PRTFDC1: variants seen among roughly 807,000 people sequenced by gnomAD.
PRTFDC1 encodes the protein phosphoribosyl transferase domain containing 1.
In PRTFDC1, 38 loss-of-function variants were observed where a neutral mutation model predicts 34.6. The ratio of observed to expected loss-of-function variants is 1.10; its 90% CI spans 0.85 to 1.44. The LOEUF is 1.44. Among genes scored for constraint, PRTFDC1 ranks in the 40% most tolerant of loss-of-function variants. The pLI, the probability that PRTFDC1 is intolerant of heterozygous loss-of-function variation, is 0.00. For missense variants in PRTFDC1, 270 were observed against 283.0 expected (o/e 0.95, Z 0.33); for synonymous variants, 93 against 98.1 (o/e 0.95, Z 0.31).
At chr10:24,889,614 T>A (rs1387159766) in intron 3 of PRTFDC1, among the ~76,000 whole-genome samples, 2 of 152,204 alleles carry the variant, frequency 1.3e-5, no homozygotes, top group African/African-American at 4.8e-5. Context: ...AAATATCAAG[T>A]GTTTTATGCA....
At chr10:24,942,465 A>G in intron 1 of PRTFDC1, 29 bp from the exon 2 acceptor site, 1 of 1,547,142 alleles carries the variant, frequency 6.5e-7, no homozygotes, top group Non-Finnish European at 8.9e-7. Flanking sequence ...TGGTTATGGT[A>G]TTTTTTCATC....
intron 2 of PRTFDC1, among the ~76,000 whole-genome samples, chr10:24,939,624 C>G (rs768008476): frequency 2.0e-5 from 3 of 151,622 alleles, no homozygotes; most frequent in Non-Finnish European, 4.4e-5. Context: ...GAAACCCCAT[C>G]TCTACTAAAA....
intron 3 of PRTFDC1, among the ~76,000 whole-genome samples, chr10:24,919,680 G>C (rs1318588837): frequency 5.3e-5 from 8 of 152,166 alleles, no homozygotes; most frequent in Admixed American, 5.2e-4. Flanking sequence ...AGAAACTATT[G>C]TCAGAGTGAA....
chr10:24,852,037 C>G (rs1390000058), intron 7 of PRTFDC1, among the ~76,000 whole-genome samples: 1 of 151,946 alleles, frequency 6.6e-6, no homozygotes, highest in East Asian at 1.9e-4. Flanking sequence ...TGCATTAATG[C>G]TGGTCTTTGG....
Position 24,887,472 on chromosome 10 carries a change from C to T in PRTFDC1, c.340-15409G>A, listed in dbSNP as rs574860176. 2.2e-5 allele frequency among the ~76,000 whole-genome samples: 3 copies of T among 137,960 alleles called. No homozygotes were observed. The East Asian group carries it at 6.3e-4, about 29-fold the overall frequency. 90.5% of individuals were successfully genotyped at this position (137,960 alleles called of 152,430 possible). A position where few individuals can be genotyped will look rare whatever the true frequency, so the allele number is the denominator to read the frequency against. On this transcript the variant is annotated intron_variant, in intron 3 of 8. Transcript: ENST00000320152. ...ATGGTTTTATAAGGGCTTCCCCCCT[C>T]TCCCTTCGCTCTGCACTTCTCCTTG...
In PRTFDC1 at chr10:24,849,760, G is replaced by A. The variant is rs1337681496; in HGVS notation, c.*84C>T. On this transcript the variant is annotated 3_prime_UTR_variant, in exon 9 of 9. Coordinates refer to ENST00000320152, the MANE Select transcript of PRTFDC1 (RefSeq NM_020200.7). ...ATATCCTGCTGAGTGAAGATGCCTGGGGGGACAAACTTGACAGCTGGCTTC... is the reference window on the plus strand; with the variant it reads ...ATATCCTGCTGAGTGAAGATGCCTGAGGGGACAAACTTGACAGCTGGCTTC... 3.7e-6 allele frequency: 5 copies of A among 1,342,972 alleles called. No individual in the cohort carries two copies. The highest frequency in any genetic ancestry group is 4.6e-5 in the East Asian group (2 of 43,354). The allele number at this position is 1,342,972 out of a possible 1,614,324, so 83.2% of individuals were successfully genotyped here.
At chr10:24,865,593 C>G (rs1385846573) in intron 4 of PRTFDC1, among the ~76,000 whole-genome samples, 3 of 151,952 alleles carry the variant, frequency 2.0e-5, no homozygotes, top group Non-Finnish European at 4.4e-5. Context: ...TTGCATGATT[C>G]TGATCAAAAC....
At chr10:24,923,303 C>A (rs1848819022) in intron 3 of PRTFDC1, among the ~76,000 whole-genome samples, 1 of 152,186 alleles carries the variant, frequency 6.6e-6, no homozygotes, top group African/African-American at 2.4e-5. Context: ...AGTGGTTCTC[C>A]CAGCACAGCA....
intron 3 of PRTFDC1, among the ~76,000 whole-genome samples, chr10:24,919,179 A>C (rs889903913): frequency 6.6e-6 from 1 of 152,228 alleles, no homozygotes; most frequent in Admixed American, 6.5e-5. Flanking sequence ...TGGTACTAAT[A>C]AACTAGAAAG....
intron 3 of PRTFDC1, among the ~76,000 whole-genome samples, chr10:24,914,781 A>G (rs540016889): frequency 1.1e-3 from 175 of 152,316 alleles, no homozygotes; most frequent in Non-Finnish European, 2.1e-3. Context: ...GACTAGGTTC[A>G]TGTCAACAAA....
chr10:24,947,748 C>G (rs1023355027), intron 1 of PRTFDC1, among the ~76,000 whole-genome samples: 8 of 152,068 alleles, frequency 5.3e-5, no homozygotes, highest in African/African-American at 1.7e-4. Flanking sequence ...GCCCTGTTCT[C>G]TCCTTCAGGC....
Position 24,851,464 on chromosome 10 carries a change from T to C in PRTFDC1, c.554A>G (p.Tyr185Cys), listed in dbSNP as rs752092827. ...TSRSDGFRPD[Y>C]AGFEIPNLFV... ...TAAGTTTGGAATCTCAAATCCAGCA[T>C]CTTAGCAGACAGAGAAAGAGAAAAA... The change falls in exon 8 of 9, where the codon TAT (tyrosine) becomes TGT (cysteine). Residue 185 changes from tyrosine (Y) to cysteine (C), a missense_variant and splice_region_variant. Tyr to Cys is a radical substitution (Grantham distance 194, BLOSUM62 -2). Coordinates refer to ENST00000320152, the MANE Select transcript of PRTFDC1 (RefSeq NM_020200.7). 1.2e-6 allele frequency: 2 copies of C among 1,607,686 alleles called. No homozygotes were observed. The highest frequency in any genetic ancestry group is 1.7e-5 in the Admixed American group (1 of 59,186).
In PRTFDC1 at chr10:24,918,300, T is replaced by C. The variant is rs1326716185; in HGVS notation, c.339+18884A>G. 3.3e-5 allele frequency among the ~76,000 whole-genome samples: 5 copies of C among 152,114 alleles called. No individual in the cohort carries two copies. The East Asian group carries it at 9.6e-4, about 29-fold the overall frequency. Reference sequence around the variant, plus strand: ...ACCTGCTGTCTTCTCTCTTGTCCAGTTTGTCATATGAGGTCACTTTTAACT... The same window carrying C: ...ACCTGCTGTCTTCTCTCTTGTCCAGCTTGTCATATGAGGTCACTTTTAACT... On this transcript the variant is annotated intron_variant, in intron 3 of 8. Coordinates refer to ENST00000320152, the MANE Select transcript of PRTFDC1 (RefSeq NM_020200.7).
At chr10:24,930,593 C>T (rs756941687) in intron 3 of PRTFDC1, among the ~76,000 whole-genome samples, 11 of 152,098 alleles carry the variant, frequency 7.2e-5, no homozygotes, top group South Asian at 2.1e-4. Flanking sequence ...TTTATCTCAA[C>T]ACATCTCTAG....
chr10:24,891,624 T>TC (rs11448016), intron 3 of PRTFDC1, among the ~76,000 whole-genome samples: 22,907 of 129,268 alleles, frequency 0.18, 2,048 homozygotes, highest in South Asian at 0.4. Flanking sequence ...ACCCAGTCTC[T>TC]TAAAAAAAAA....
chr10:24,945,140 G>C (rs928192200), intron 1 of PRTFDC1, among the ~76,000 whole-genome samples: 1 of 152,150 alleles, frequency 6.6e-6, no homozygotes, highest in Admixed American at 6.5e-5. Flanking sequence ...TTCATAGCCT[G>C]TTTTACCACT....
intron 3 of PRTFDC1, among the ~76,000 whole-genome samples, chr10:24,935,117 G>C (rs992851443): frequency 3.3e-5 from 5 of 152,146 alleles, no homozygotes; most frequent in Admixed American, 3.3e-4. Context: ...TCTATATCTT[G>C]ACTGTGGTGA....
At chr10:24,934,395 A>C (rs1205809653) in intron 3 of PRTFDC1, among the ~76,000 whole-genome samples, 2 of 151,630 alleles carry the variant, frequency 1.3e-5, no homozygotes, top group African/African-American at 2.4e-5. Flanking sequence ...AACCTGAAAA[A>C]CTCGTTCAGG....
intron 3 of PRTFDC1, among the ~76,000 whole-genome samples, chr10:24,921,383 T>C (rs1339363641): frequency 6.6e-6 from 1 of 152,140 alleles, no homozygotes. Context: ...CAGAGGTCTA[T>C]AGGGCACCAA....
Sources: gnomAD v4.1 joint callset for allele counts (sites outside exome capture counted in the v4.1 genomes callset) on GRCh38, gnomAD v4.1.1 for gene constraint, MANE v1.5 for transcripts, NCBI Gene and HGNC (gene_info 2026-07-23, HGNC 2026-07-21) for gene names.